Variants in CDK5R1 observed in about 807,000 individuals in gnomAD.
CDK5R1 encodes the protein cyclin dependent kinase 5 regulatory subunit 1, also known as cyclin-dependent kinase 5 activator 1.
Under a neutral mutation model 19.0 loss-of-function variants are expected in CDK5R1, and 1 was observed. The ratio of observed to expected loss-of-function variants is 0.05; its 90% CI spans 0.02 to 0.25. The LOEUF (loss-of-function observed/expected upper bound fraction) is 0.25. CDK5R1 is among the 10% of genes least tolerant of loss of function. CDK5R1 has a pLI of 1.00. For missense variants in CDK5R1, 314 were observed against 401.0 expected, an observed-to-expected ratio of 0.78 and a Z score of 1.85; for synonymous variants, 225 against 187.7, an observed-to-expected ratio of 1.20 and a Z score of -1.62.
In CDK5R1 at chr17:32,488,804, T is replaced by G; in HGVS notation, c.*260T>G. The G allele has an allele frequency of 1.8e-6, 1 of 556,010 alleles. No individual in the cohort carries two copies. The highest frequency in any genetic ancestry group is 3.2e-6 in the Non-Finnish European group (1 of 315,538). The allele number at this position is 556,010 out of a possible 1,614,324, so 34.4% of individuals were successfully genotyped here. A position where few individuals can be genotyped will look rare whatever the true frequency, so the allele number is the denominator to read the frequency against. On this transcript the variant is annotated 3_prime_UTR_variant, in exon 2 of 2. Transcript: ENST00000313401. ...CTTTGGGGAACTCAAAGGACTGACC[T>G]GCCCCTGCCGCCTGTGCCCTTGCTG...
At position 32,490,503 on chromosome 17, in the gene CDK5R1, G is replaced by C. The variant is rs905350116; in HGVS notation, c.*1959G>C. The C allele has an allele frequency of 1.2e-5, 2 of 167,060 alleles. No homozygotes were observed. Among genetic ancestry groups the C allele is most frequent in the Non-Finnish European group, 2.9e-5 (2 of 68,138 alleles). 10.3% of individuals were successfully genotyped at this position (167,060 alleles called of 1,614,324 possible). On this transcript the variant is annotated 3_prime_UTR_variant, in exon 2 of 2. Coordinates refer to ENST00000313401, the MANE Select transcript of CDK5R1 (RefSeq NM_003885.3). ...GGAGGAGGTGGACATTTCGGAAGTG[G>C]TGGGGACTAAGGGAAGAACTCTCTA...
rs757878520 is a variant in CDK5R1, at chr17:32,488,252, T to C, written c.632T>C (p.Val211Ala). The change falls in exon 2 of 2, where the codon GTT becomes GCT. Residue 211 changes from valine to alanine, a missense_variant. Val to Ala is a moderately conservative substitution (Grantham distance 64, BLOSUM62 0). Coordinates refer to ENST00000313401, the MANE Select transcript of CDK5R1 (RefSeq NM_003885.3). ...VVFLYMLCRD[V>A]ISSEVGSDHE... is the part of the protein sequence containing the mutation. ...TTCCTCTACATGCTCTGCAGGGATGTTATCTCCTCCGAGGTGGGCTCGGAT... is the reference window on the plus strand; with the variant it reads ...TTCCTCTACATGCTCTGCAGGGATGCTATCTCCTCCGAGGTGGGCTCGGAT... 3.1e-6 allele frequency: 5 copies of C among 1,614,030 alleles called. No homozygotes were observed. The highest frequency in any genetic ancestry group is 3.4e-6 in the Non-Finnish European group (4 of 1,180,034).
In CDK5R1 at chr17:32,489,859, A is replaced by G. The variant is rs1315975190; in HGVS notation, c.*1315A>G. ...CACTCGGCTGTGGAGAACAAAGACC[A>G]ATGTGAAGACACTACAGAGGATTCT... On this transcript the variant is annotated 3_prime_UTR_variant, in exon 2 of 2. Coordinates refer to ENST00000313401, the MANE Select transcript of CDK5R1 (RefSeq NM_003885.3). 4 of 167,350 alleles carry G rather than the reference A, an allele frequency of 2.4e-5. No individual in the cohort carries two copies. Among genetic ancestry groups the G allele is most frequent in the Admixed American group, 2.0e-4 (3 of 15,304 alleles). The allele number at this position is 167,350 out of a possible 1,614,324, so 10.4% of individuals were successfully genotyped here. A position where few individuals can be genotyped will look rare whatever the true frequency, so the allele number is the denominator to read the frequency against.
In CDK5R1 at chr17:32,489,170, A is replaced by T; in HGVS notation, c.*626A>T. 1 of 471,102 alleles carries T rather than the reference A, an allele frequency of 2.1e-6. No individual in the cohort carries two copies. The highest frequency in any genetic ancestry group is 4.4e-6 in the Non-Finnish European group (1 of 227,044). The allele number at this position is 471,102 out of a possible 1,614,324, so 29.2% of individuals were successfully genotyped here. A position where few individuals can be genotyped will look rare whatever the true frequency, so the allele number is the denominator to read the frequency against. On this transcript the variant is annotated 3_prime_UTR_variant, in exon 2 of 2. Coordinates refer to ENST00000313401, the MANE Select transcript of CDK5R1 (RefSeq NM_003885.3). ...GAGAAGGGCTTTTCTTTAGTGGAGA[A>T]ATGGAACTCGCCCCCCTACCCCCTT...
rs1908694707 is a variant in CDK5R1, at chr17:32,487,114, G to A, written c.-194G>A. 1 of 146,556 alleles carries A rather than the reference G, an allele frequency of 6.8e-6. No homozygotes were observed. Among genetic ancestry groups the A allele is most frequent in the Non-Finnish European group, 1.5e-5 (1 of 65,898 alleles). 9.1% of individuals were successfully genotyped at this position (146,556 alleles called of 1,614,324 possible). A position where few individuals can be genotyped will look rare whatever the true frequency, so the allele number is the denominator to read the frequency against. On this transcript the variant is annotated 5_prime_UTR_variant, in exon 1 of 2. Transcript: ENST00000313401. This position sits in a 1 kb window ranked among gnomAD's most constrained non-coding sequence, Gnocchi z 7.9. ...GCGCCGGGACCGCGGCGGCGGGGCC[G>A]CGGCGCGCATTGCGGAGGGCGCGGA...
rs1478067516 is a variant in CDK5R1 at position 32,488,171 on chromosome 17, C to T, written c.551C>T (p.Ser184Leu). Reference protein sequence around the residue: ...PVLWLRSVDRSLLLQGWQDQG... With the variant: ...PVLWLRSVDRLLLLQGWQDQG... ...CTCTGGCTGCGCAGCGTGGACCGCT[C>T]GCTGCTTCTGCAGGGCTGGCAGGAC... Residue 184 changes from serine (S) to leucine (L), a missense_variant, in exon 2 of 2, where the codon TCG becomes TTG. Ser to Leu is a moderately radical substitution (Grantham distance 145). Coordinates refer to ENST00000313401, the MANE Select transcript of CDK5R1 (RefSeq NM_003885.3). The T allele has an allele frequency of 6.2e-7, 1 of 1,613,800 alleles. No homozygotes were observed. Among genetic ancestry groups the T allele is most frequent in the Non-Finnish European group, 8.5e-7 (1 of 1,180,040 alleles).
rs887272044 is a variant in CDK5R1 at position 32,491,196 on chromosome 17, C to T, written c.*2652C>T. ...GTTTGGCTGTAATTTAATTCCCCTT[C>T]CCTTATTTTTATTTATTTTTGTACT... On this transcript the variant is annotated 3_prime_UTR_variant, in exon 2 of 2. Transcript: ENST00000313401. 1.2e-5 allele frequency: 2 copies of T among 167,034 alleles called. No individual in the cohort carries two copies. Among genetic ancestry groups the T allele is most frequent in the Non-Finnish European group, 2.9e-5 (2 of 68,124 alleles). 10.3% of individuals were successfully genotyped at this position (167,034 alleles called of 1,614,324 possible).
Position 32,487,211 on chromosome 17 carries a change from G to C in CDK5R1, c.-146+49G>C, listed in dbSNP as rs1194466729. ...CCTTGGCCCTGGGGAGCGGAGACCG[G>C]GGTCGCGCCCGTGCGGGGTGTCCAG... On this transcript the variant is annotated intron_variant, in intron 1 of 1. Coordinates refer to ENST00000313401, the MANE Select transcript of CDK5R1 (RefSeq NM_003885.3). This position sits in a 1 kb window ranked among gnomAD's most constrained non-coding sequence, Gnocchi z 7.9. 6.8e-6 allele frequency: 1 copy of C among 147,210 alleles called. No homozygotes were observed. Among genetic ancestry groups the C allele is most frequent in the East Asian group, 2.0e-4 (1 of 5,082 alleles). 9.1% of individuals were successfully genotyped at this position (147,210 alleles called of 1,614,324 possible).
At position 32,488,828 on chromosome 17, in the gene CDK5R1, T is replaced by C; in HGVS notation, c.*284T>C. The stretch of plus-strand genomic sequence containing the variant: ...CTGCCCCTGCCGCCTGTGCCCTTGC[T>C]GGGTCCAGGGTAGGCAAGGCTGCCG... On this transcript the variant is annotated 3_prime_UTR_variant, in exon 2 of 2. Transcript: ENST00000313401. The C allele has an allele frequency of 2.1e-6, 1 of 485,410 alleles. No individual in the cohort carries two copies. Among genetic ancestry groups the C allele is most frequent in the Middle Eastern group, 6.5e-4 (1 of 1,534 alleles). The allele number at this position is 485,410 out of a possible 1,614,324, so 30.1% of individuals were successfully genotyped here.
Position 32,490,445 on chromosome 17 carries a change from TTC to T in CDK5R1, c.*1905_*1906del, listed in dbSNP as rs754620764. 6.4e-4 allele frequency: 107 copies of T among 167,292 alleles called. No individual in the cohort carries two copies. The highest frequency in any genetic ancestry group is 1.2e-3 in the Non-Finnish European group (80 of 68,158). 10.4% of individuals were successfully genotyped at this position (167,292 alleles called of 1,614,324 possible). Reference sequence around the variant, plus strand: ...GGATTCCAGTTGCGTGTCTGTTTCCTTCTCTTTCTCCGTATTTATTTTTTTAT... The same window carrying T: ...GGATTCCAGTTGCGTGTCTGTTTCCTTCTTTCTCCGTATTTATTTTTTTAT... On this transcript the variant is annotated 3_prime_UTR_variant, in exon 2 of 2. Transcript: ENST00000313401.
At position 32,489,999 on chromosome 17, in the gene CDK5R1, C is replaced by G. The variant is rs1416993562; in HGVS notation, c.*1455C>G. The G allele has an allele frequency of 6.0e-6, 1 of 167,074 alleles. No individual in the cohort carries two copies. The highest frequency in any genetic ancestry group is 1.5e-5 in the Non-Finnish European group (1 of 68,114). The allele number at this position is 167,074 out of a possible 1,614,324, so 10.3% of individuals were successfully genotyped here. A position where few individuals can be genotyped will look rare whatever the true frequency, so the allele number is the denominator to read the frequency against. On this transcript the variant is annotated 3_prime_UTR_variant, in exon 2 of 2. Transcript: ENST00000313401. ...GTGGCTACCGATTTCAGCACATGCA[C>G]TACTGAAATTTACACAAAAAGAAAG...
chr17:32,490,252 A>G lies in CDK5R1; in HGVS notation c.*1708A>G, dbSNP rs1031612868. On this transcript the variant is annotated 3_prime_UTR_variant, in exon 2 of 2. Coordinates refer to ENST00000313401, the MANE Select transcript of CDK5R1 (RefSeq NM_003885.3). ...AGCACCTCCTCTCTGCTGGGTTTCC[A>G]CACAGCCTGTCTTCAGATCCTGCTG... 11 of 167,108 alleles carry G rather than the reference A, an allele frequency of 6.6e-5. No homozygotes were observed. The highest frequency in any genetic ancestry group is 1.3e-4 in the Non-Finnish European group (9 of 68,176). 10.4% of individuals were successfully genotyped at this position (167,108 alleles called of 1,614,324 possible). A position where few individuals can be genotyped will look rare whatever the true frequency, so the allele number is the denominator to read the frequency against.
chr17:32,490,356 ATGTGTGT>A lies in CDK5R1; in HGVS notation c.*1813_*1819del, dbSNP rs1567863712. On this transcript the variant is annotated 3_prime_UTR_variant, in exon 2 of 2. Transcript: ENST00000313401. ...GTGCCAAGTCTCAGGAGGAGGGCGC[ATGTGTGT>A]ATCACCCTCAGCTGGCGGAACCTGG... 2 of 167,196 alleles carry A rather than the reference ATGTGTGT, an allele frequency of 1.2e-5. No homozygotes were observed. The highest frequency in any genetic ancestry group is 2.4e-5 in the African/African-American group (1 of 41,460). 10.4% of individuals were successfully genotyped at this position (167,196 alleles called of 1,614,324 possible).
chr17:32,488,204 T>G lies in CDK5R1; in HGVS notation c.584T>G (p.Phe195Cys). 1 of 1,613,886 alleles carries G rather than the reference T, an allele frequency of 6.2e-7. No individual in the cohort carries two copies. The highest frequency in any genetic ancestry group is 8.5e-7 in the Non-Finnish European group (1 of 1,180,036). The change falls in exon 2 of 2, where the codon TTC becomes TGC. Residue 195 changes from phenylalanine (F) to cysteine (C), a missense_variant. Phe to Cys is a radical substitution (Grantham distance 205). Transcript: ENST00000313401. ...CTGCAGGGCTGGCAGGACCAGGGCT[T>G]CATCACGCCGGCCAACGTGGTCTTC... ...LLLQGWQDQG[F>C]ITPANVVFLY...
rs1304956986 is a variant in CDK5R1 at position 32,488,576 on chromosome 17, CA to C, written c.*34del. On this transcript the variant is annotated 3_prime_UTR_variant, in exon 2 of 2. Transcript: ENST00000313401. ...TAGCCTGCGTCATGGCTCAAGGATT[CA>C]ATGCATTTTTAAGAATTTATTATTA... is the stretch of plus-strand genomic sequence containing the variant. 1 of 1,613,738 alleles carries C rather than the reference CA, an allele frequency of 6.2e-7. No individual in the cohort carries two copies. The highest frequency in any genetic ancestry group is 1.1e-5 in the South Asian group (1 of 90,918).
rs982856145 is a variant in CDK5R1, at chr17:32,489,361, G to A, written c.*817G>A. 2 of 453,994 alleles carry A rather than the reference G, an allele frequency of 4.4e-6. No homozygotes were observed. Among genetic ancestry groups the A allele is most frequent in the Non-Finnish European group, 9.3e-6 (2 of 215,496 alleles). The allele number at this position is 453,994 out of a possible 1,614,324, so 28.1% of individuals were successfully genotyped here. A position where few individuals can be genotyped will look rare whatever the true frequency, so the allele number is the denominator to read the frequency against. ...GTAGTGCAGTCACCCTGTGGCAAATGCCAGGACAGCTGCAGGTGCCCATTA... is the reference window on the plus strand; with the variant it reads ...GTAGTGCAGTCACCCTGTGGCAAATACCAGGACAGCTGCAGGTGCCCATTA... On this transcript the variant is annotated 3_prime_UTR_variant, in exon 2 of 2. Coordinates refer to ENST00000313401, the MANE Select transcript of CDK5R1 (RefSeq NM_003885.3).
rs1908728007 is a variant in CDK5R1 at position 32,487,799 on chromosome 17, C to T, written c.179C>T (p.Ala60Val). The T allele has an allele frequency of 6.2e-7, 1 of 1,614,100 alleles. No individual in the cohort carries two copies. Among genetic ancestry groups the T allele is most frequent in the South Asian group, 1.1e-5 (1 of 91,084 alleles). Residue 60 changes from alanine (A) to valine (V), a missense_variant, in exon 2 of 2, where the codon GCC becomes GTC. Ala to Val is a moderately conservative substitution (Grantham distance 64). This residue lies in a region of CDK5R1 where 197 missense variants were observed against 230.2 expected (regional missense o/e 0.86). Transcript: ENST00000313401. The surrounding 1 kb of genome is among the most constrained non-coding windows in gnomAD (Gnocchi z 7.9). The part of the protein sequence containing the change: ...LPWKRIVAVS[A>V]KKKNSKKVQP... ...TGGAAGAGAATCGTGGCCGTGTCGGCCAAGAAGAAGAACTCCAAGAAGGTG... is the reference window on the plus strand; with the variant it reads ...TGGAAGAGAATCGTGGCCGTGTCGGTCAAGAAGAAGAACTCCAAGAAGGTG...
At position 32,487,898 on chromosome 17, in the gene CDK5R1, C is replaced by G; in HGVS notation, c.278C>G (p.Ala93Gly). ...AACCTGAAGAAGTCGCTGTCGTGCGCCAACCTGTCCACATTCGCCCAGCCC... is the reference window on the plus strand; with the variant it reads ...AACCTGAAGAAGTCGCTGTCGTGCGGCAACCTGTCCACATTCGCCCAGCCC... The part of the protein sequence containing the change: ...NENLKKSLSC[A>G]NLSTFAQPPP... The change falls in exon 2 of 2, where the codon GCC becomes GGC. Residue 93 changes from alanine (A) to glycine (G), a missense_variant. Transcript: ENST00000313401. The surrounding 1 kb of genome is among the most constrained non-coding windows in gnomAD (Gnocchi z 7.9). The G allele has an allele frequency of 6.2e-7, 1 of 1,613,758 alleles. No homozygotes were observed.
Position 32,487,498 on chromosome 17 carries a change from C to G in CDK5R1, c.-123C>G. 1.5e-6 allele frequency: 1 copy of G among 682,732 alleles called. No homozygotes were observed. The highest frequency in any genetic ancestry group is 2.4e-6 in the Non-Finnish European group (1 of 414,204). The allele number at this position is 682,732 out of a possible 1,614,324, so 42.3% of individuals were successfully genotyped here. On this transcript the variant is annotated 5_prime_UTR_variant, in exon 2 of 2. Coordinates refer to ENST00000313401, the MANE Select transcript of CDK5R1 (RefSeq NM_003885.3). The surrounding 1 kb of genome is among the most constrained non-coding windows in gnomAD (Gnocchi z 7.9). ...CAGGCAGATCCAAGGGGGCAGCACG[C>G]TTCCCGGGAGCGCCCCCGCCTCCTC...
Sources: gnomAD v4.1 joint callset for allele counts on GRCh38, gnomAD v4.1.1 for gene constraint, gnomAD v4.1.1 regional missense constraint, Gnocchi (gnomAD v3.1) non-coding constraint, MANE v1.5 for transcripts, NCBI Gene and HGNC (gene_info 2026-07-23, HGNC 2026-07-21) for gene names.